The following CXXC5 variants were observed in gnomAD, a reference collection of about 807,000 sequenced individuals.
The protein encoded by CXXC5 is CXXC finger protein 5, also known as CXXC-type zinc finger protein 5.
A neutral mutation model predicts 17.6 loss-of-function variants in CXXC5; 2 were observed. The ratio of observed to expected loss-of-function variants is 0.11; its 90% CI spans 0.05 to 0.36. The LOEUF (loss-of-function observed/expected upper bound fraction) is 0.36, where lower values mean the gene tolerates loss of function less well. Ranked by LOEUF, CXXC5 falls within the 10% of genes least tolerant of loss-of-function variation. The probability of loss-of-function intolerance (pLI) is 1.00; values close to 1 mark genes in which losing one functional copy is unlikely to be tolerated. For synonymous variants in CXXC5, 171 were observed against 193.0 expected, an observed-to-expected ratio of 0.89 and a Z score of 0.94; for missense variants, 343 against 458.3, an observed-to-expected ratio of 0.75 and a Z score of 2.30.
intron 1 of CXXC5, among the ~76,000 whole-genome samples, chr5:139,652,620 C>CT (rs767954704): frequency 4.6e-5 from 7 of 152,310 alleles, no homozygotes; most frequent in African/African-American, 1.7e-4. Context: ...TGTTGAATGT[C>CT]TGTCTCAGGG....
At chr5:139,651,306 C>T (rs1318448965) in intron 1 of CXXC5, 1 of 152,264 alleles carries the variant, frequency 6.6e-6, no homozygotes, top group African/African-American at 2.4e-5. Context: ...CGCGACAGAG[C>T]CTGTTGACTT....
intron 1 of CXXC5, among the ~76,000 whole-genome samples, chr5:139,655,643 TC>T (rs1755449356): frequency 6.6e-6 from 1 of 151,736 alleles, no homozygotes; most frequent in South Asian, 2.1e-4. Flanking sequence ...CCTGCCCTTT[TC>T]CTCCATTTCC....
chr5:139,662,600 A>C (rs975918620), intron 1 of CXXC5, among the ~76,000 whole-genome samples: 7 of 152,216 alleles, frequency 4.6e-5, no homozygotes, highest in Non-Finnish European at 1.0e-4. Context: ...TGTGGCTATA[A>C]GGACTCAGGC....
chr5:139,655,089 TAGGGTGGCTGGC>T (rs1346199623), intron 1 of CXXC5, among the ~76,000 whole-genome samples: 1 of 152,064 alleles, frequency 6.6e-6, no homozygotes, highest in Non-Finnish European at 1.5e-5. Flanking sequence ...GCTTTCTTGA[TAGGGTGGCTGGC>T]AGCTCTGGAA....
At chr5:139,653,022 T>C (rs1755294336) in intron 1 of CXXC5, among the ~76,000 whole-genome samples, 1 of 152,186 alleles carries the variant, frequency 6.6e-6, no homozygotes, top group Non-Finnish European at 1.5e-5. Flanking sequence ...TCCGTCTTAC[T>C]GAATCTCCCC....
intron 1 of CXXC5, among the ~76,000 whole-genome samples, chr5:139,664,246 T>C (rs1351259302): frequency 6.6e-6 from 1 of 152,170 alleles, no homozygotes; most frequent in Non-Finnish European, 1.5e-5. Context: ...TTGGGGTTTC[T>C]GGGTTCTTCC....
At chr5:139,673,978 G>A (rs356453) in intron 1 of CXXC5, among the ~76,000 whole-genome samples, 52,132 of 151,810 alleles carry the variant, frequency 0.34, 9,447 homozygotes, top group African/African-American at 0.42. Context: ...GTGTGGAGTC[G>A]GGGATATAGA....
intron 1 of CXXC5, among the ~76,000 whole-genome samples, chr5:139,674,259 A>C (rs1756652398): frequency 1.3e-5 from 2 of 152,014 alleles, no homozygotes; most frequent in South Asian, 4.2e-4. Context: ...CAGAGACGGG[A>C]CACCCTCCCT....
At chr5:139,680,139 C>G (rs1757094397) in intron 1 of CXXC5, among the ~76,000 whole-genome samples, 1 of 152,206 alleles carries the variant, frequency 6.6e-6, no homozygotes, top group South Asian at 2.1e-4. Flanking sequence ...TCTTGTTTCC[C>G]TCATCTATAA....
At position 139,680,724 on chromosome 5, in the gene CXXC5, G is replaced by A; in HGVS notation, c.201G>A (p.Glu67=). Residue 67 remains glutamate (E), a synonymous_variant, in exon 2 of 3, where the codon GAG becomes GAA. Transcript: ENST00000302517. ...GGAACAAGAGCGGTATCATCAGTGA[G>A]CCCCTCAACAAGAGCCTGCGCCGCT... is the stretch of plus-strand genomic sequence containing the variant. The part of the protein sequence containing the change: ...ERRNKSGIIS[E]PLNKSLRRSR... 1 of 1,613,474 alleles carries A rather than the reference G, an allele frequency of 6.2e-7. No individual in the cohort carries two copies. The highest frequency in any genetic ancestry group is 8.5e-7 in the Non-Finnish European group (1 of 1,180,008).
chr5:139,658,599 C>G lies in CXXC5; in HGVS notation c.-161+9754C>G, dbSNP rs555044245. Among the ~76,000 whole-genome samples, 4 of 152,236 alleles carry G rather than the reference C, an allele frequency of 2.6e-5. No homozygotes were observed. In the East Asian group the frequency reaches 7.8e-4, roughly 30 times the overall value. On this transcript the variant is annotated intron_variant, in intron 1 of 2. Transcript: ENST00000302517. This position sits in a 1 kb window ranked among gnomAD's most constrained non-coding sequence, Gnocchi z 4.1. ...GGCCCACAGGCACAGGAGGGGTCCT[C>G]TTGGCGGTGCCCGCCCGCCCGCTGC...
Position 139,683,056 on chromosome 5 carries a change from A to AT in CXXC5, c.*155dup. ...ATTTCATTCCTGTTTTTATATATAT[A>AT]TTTTTTGTTGTCGTTTTAACATCTC... On this transcript the variant is annotated 3_prime_UTR_variant, in exon 3 of 3. Transcript: ENST00000302517. The AT allele has an allele frequency of 1.6e-6, 1 of 608,290 alleles. No individual in the cohort carries two copies. Among genetic ancestry groups the AT allele is most frequent in the Non-Finnish European group, 2.4e-6 (1 of 409,620 alleles). 37.7% of individuals were successfully genotyped at this position (608,290 alleles called of 1,614,324 possible). A position where few individuals can be genotyped will look rare whatever the true frequency, so the allele number is the denominator to read the frequency against.
In CXXC5 at chr5:139,648,793, C is replaced by T. The variant is rs1201397064; in HGVS notation, c.-213C>T. On this transcript the variant is annotated 5_prime_UTR_variant, in exon 1 of 3. Transcript: ENST00000302517. ...CGCAGCTCCCTGCCCCGCCCCTCCC[C>T]CTCGGCCTCGCGGCGACGGCGGCGG... 6.5e-6 allele frequency: 1 copy of T among 152,876 alleles called. No individual in the cohort carries two copies. The highest frequency in any genetic ancestry group is 1.5e-5 in the Non-Finnish European group (1 of 68,464). The allele number at this position is 152,876 out of a possible 1,614,324, so 9.5% of individuals were successfully genotyped here. A position where few individuals can be genotyped will look rare whatever the true frequency, so the allele number is the denominator to read the frequency against.
chr5:139,662,597 A>AT (rs1414911428), intron 1 of CXXC5, among the ~76,000 whole-genome samples: 1 of 152,192 alleles, frequency 6.6e-6, no homozygotes, highest in African/African-American at 2.4e-5. Context: ...GCATGTGGCT[A>AT]TAAGGACTCA....
rs571866078 is a variant in CXXC5, at chr5:139,653,891, C to G, written c.-161+5046C>G. On this transcript the variant is annotated intron_variant, in intron 1 of 2. Coordinates refer to ENST00000302517, the MANE Select transcript of CXXC5 (RefSeq NM_016463.9). Reference sequence around the variant, plus strand: ...GGAGGGGATCCTGCCCCGCCTTCCACAGCACTAGGGGCTCTAGAGAGGTGA... The same window carrying G: ...GGAGGGGATCCTGCCCCGCCTTCCAGAGCACTAGGGGCTCTAGAGAGGTGA... Among the ~76,000 whole-genome samples the G allele has an allele frequency of 9.8e-5, 15 of 152,340 alleles. No homozygotes were observed. In the East Asian group the frequency reaches 2.9e-3, roughly 29 times the overall value.
intron 1 of CXXC5, chr5:139,650,873 T>G (rs1318719771): frequency 2.6e-5 from 4 of 151,938 alleles, no homozygotes; most frequent in African/African-American, 9.7e-5. Context: ...TTTCCCTAGA[T>G]GAGAGTCAGG....
intron 1 of CXXC5, among the ~76,000 whole-genome samples, chr5:139,664,913 G>T (rs1332819228): frequency 6.6e-6 from 1 of 152,206 alleles, no homozygotes; most frequent in Non-Finnish European, 1.5e-5. Context: ...CTACCTCTGT[G>T]GGTTGCTGTG....
At chr5:139,682,116 C>G (rs1757269974) in intron 2 of CXXC5, among the ~76,000 whole-genome samples, 1 of 152,192 alleles carries the variant, frequency 6.6e-6, no homozygotes, top group African/African-American at 2.4e-5. Flanking sequence ...GCTGCTATCT[C>G]TGCACCCCTG....
At chr5:139,650,717 A>G (rs561675976) in intron 1 of CXXC5, among the ~76,000 whole-genome samples, 15 of 152,224 alleles carry the variant, frequency 9.9e-5, no homozygotes, top group African/African-American at 3.1e-4. Flanking sequence ...CCCCTCCTGA[A>G]AGATGCCCGT....
Sources: gnomAD v4.1 joint callset for allele counts (sites outside exome capture counted in the v4.1 genomes callset) on GRCh38, gnomAD v4.1.1 for gene constraint, Gnocchi (gnomAD v3.1) non-coding constraint, MANE v1.5 for transcripts, NCBI Gene and HGNC (gene_info 2026-07-23, HGNC 2026-07-21) for gene names.